The following GNA14 variants were observed in gnomAD, a reference collection of about 807,000 sequenced individuals.
The protein encoded by GNA14 is guanine nucleotide-binding protein subunit alpha-14.
GNA14 carries 50 observed loss-of-function variants against 42.0 expected under a neutral mutation model. The ratio of observed to expected loss-of-function variants is 1.19; its 90% CI spans 0.95 to 1.51. GNA14 has a LOEUF of 1.51. Among genes scored for constraint, GNA14 ranks in the 40% most tolerant of loss-of-function variants. The pLI is 0.00. For missense variants in GNA14, 473 were observed against 446.2 expected (o/e 1.06, Z -0.54); for synonymous variants, 173 against 163.1 (o/e 1.06, Z -0.46).
At chr9:77,588,418 T>C (rs192726100) in intron 1 of GNA14, among the ~76,000 whole-genome samples, 5 of 152,332 alleles carry the variant, frequency 3.3e-5, no homozygotes, top group Admixed American at 2.6e-4. Flanking sequence ...TGGTGATTTC[T>C]TGATCCTGAT....
rs553268653 is a variant in GNA14, at chr9:77,506,372, T to C, written c.309+22697A>G. ...AAAACATCATCATTTCAACATGCAATCAATGTAAAAAATTATTCATGAGAG... is the reference window on the plus strand; with the variant it reads ...AAAACATCATCATTTCAACATGCAACCAATGTAAAAAATTATTCATGAGAG... On this transcript the variant is annotated intron_variant, in intron 2 of 6. Transcript: ENST00000341700. Among the ~76,000 whole-genome samples, 32 of 151,270 alleles carry C rather than the reference T, an allele frequency of 2.1e-4. 1 individual carries two copies. In the East Asian group the frequency reaches 5.1e-3, roughly 24 times the overall value.
At chr9:77,604,519 T>A (rs528771988) in intron 1 of GNA14, among the ~76,000 whole-genome samples, 1 of 152,218 alleles carries the variant, frequency 6.6e-6, no homozygotes, top group Non-Finnish European at 1.5e-5. Context: ...ATCACTCAAG[T>A]CCACATTTCC....
intron 1 of GNA14, among the ~76,000 whole-genome samples, chr9:77,604,988 C>T (rs752693949): frequency 5.3e-5 from 8 of 152,232 alleles, no homozygotes; most frequent in Non-Finnish European, 1.0e-4. Context: ...GCAAATGCTT[C>T]ACCTTTCAAA....
intron 1 of GNA14, among the ~76,000 whole-genome samples, chr9:77,573,908 G>C (rs150849713): frequency 2.0e-5 from 3 of 152,100 alleles, no homozygotes; most frequent in East Asian, 3.8e-4. Context: ...CTTAGAAAAA[G>C]AGTAACCATT....
intron 4 of GNA14, among the ~76,000 whole-genome samples, chr9:77,429,348 T>C (rs1173894207): frequency 1.3e-5 from 2 of 152,144 alleles, no homozygotes; most frequent in Non-Finnish European, 2.9e-5. Flanking sequence ...ACTTGGGTTC[T>C]GTGACAACCA....
At position 77,520,438 on chromosome 9, in the gene GNA14, G is replaced by A. The variant is rs111477751; in HGVS notation, c.309+8631C>T. ...GGGAAAGCAAATTCTGAAGGACTTC[G>A]GATCTAACGAGCATGTTCCTAGCAT... On this transcript the variant is annotated intron_variant, in intron 2 of 6. Transcript: ENST00000341700. Among the ~76,000 whole-genome samples, 396 of 152,254 alleles carry A rather than the reference G, an allele frequency of 2.6e-3. 1 individual carries two copies. Among genetic ancestry groups the A allele is most frequent in the Non-Finnish European group, 4.9e-3 (335 of 68,026 alleles).
At position 77,502,275 on chromosome 9, in the gene GNA14, A is replaced by T. The variant is rs185096038; in HGVS notation, c.309+26794T>A. Among the ~76,000 whole-genome samples the T allele has an allele frequency of 5.4e-3, 823 of 152,252 alleles. 7 individuals are homozygous for T. The highest frequency in any genetic ancestry group is 0.018 in the African/African-American group (764 of 41,564). On this transcript the variant is annotated intron_variant, in intron 2 of 6. Coordinates refer to ENST00000341700, the MANE Select transcript of GNA14 (RefSeq NM_004297.4). ...ATACTAACATCCCTGCCACCTTGTG[A>T]CTGGCATATCTCGATTGTCCTTGTC...
At position 77,449,330 on chromosome 9, in the gene GNA14, CGT is replaced by C. The variant is rs1564017367; in HGVS notation, c.310-14810_310-14809del. 2.0e-5 allele frequency among the ~76,000 whole-genome samples: 3 copies of C among 152,160 alleles called. No homozygotes were observed. In the East Asian group the frequency reaches 5.8e-4, roughly 29 times the overall value. On this transcript the variant is annotated intron_variant, in intron 2 of 6. Transcript: ENST00000341700. ...GAGGGTATCCCTTTGTTAAGTGATGCGTGACTGTATGTAGTAACATTAAATAA... is the reference window on the plus strand; with the variant it reads ...GAGGGTATCCCTTTGTTAAGTGATGCGACTGTATGTAGTAACATTAAATAA...
intron 1 of GNA14, among the ~76,000 whole-genome samples, chr9:77,645,901 G>A (rs775590964): frequency 2.0e-5 from 3 of 152,018 alleles, no homozygotes; most frequent in Admixed American, 6.6e-5. Flanking sequence ...AGTTACATAC[G>A]CAACTAAACC....
chr9:77,548,595 C>A (rs1425723979), intron 1 of GNA14, among the ~76,000 whole-genome samples: 3 of 152,150 alleles, frequency 2.0e-5, no homozygotes, highest in Non-Finnish European at 4.4e-5. Context: ...TGCACATTTT[C>A]CACATATAGC....
intron 1 of GNA14, among the ~76,000 whole-genome samples, chr9:77,581,562 G>A (rs1391081252): frequency 6.6e-6 from 1 of 152,162 alleles, no homozygotes; most frequent in Non-Finnish European, 1.5e-5. Context: ...CTACACAGTG[G>A]CCGGACATAA....
At chr9:77,546,244 T>G (rs1837719147) in intron 1 of GNA14, among the ~76,000 whole-genome samples, 1 of 149,002 alleles carries the variant, frequency 6.7e-6, no homozygotes, top group Non-Finnish European at 1.5e-5. Context: ...AAAAAAGAAT[T>G]ATCTAATCCG....
At chr9:77,532,089 C>G (rs1036899007) in intron 1 of GNA14, among the ~76,000 whole-genome samples, 2 of 152,082 alleles carry the variant, frequency 1.3e-5, no homozygotes, top group African/African-American at 4.8e-5. Flanking sequence ...CCTCCACTCT[C>G]ATTTAAGCCT....
At chr9:77,644,178 G>A (rs891699752) in intron 1 of GNA14, among the ~76,000 whole-genome samples, 4 of 152,060 alleles carry the variant, frequency 2.6e-5, no homozygotes, top group African/African-American at 9.7e-5. Flanking sequence ...ATAAGAAGAG[G>A]AAGTGGCACG....
intron 1 of GNA14, among the ~76,000 whole-genome samples, chr9:77,622,345 T>TGGTC (rs1335197154): frequency 6.6e-6 from 1 of 152,160 alleles, no homozygotes; most frequent in Non-Finnish European, 1.5e-5. Flanking sequence ...TAAGAAATAT[T>TGGTC]GGTCGTGAGG....
At position 77,536,047 on chromosome 9, in the gene GNA14, C is replaced by G. The variant is rs1018099747; in HGVS notation, c.125-6794G>C. On this transcript the variant is annotated intron_variant, in intron 1 of 6. Coordinates refer to ENST00000341700, the MANE Select transcript of GNA14 (RefSeq NM_004297.4). ...ACTCCTGCTAGTTTCTGTCCAGCCCCTACATCACCATCACAGCCAGGTCAC... is the reference window on the plus strand; with the variant it reads ...ACTCCTGCTAGTTTCTGTCCAGCCCGTACATCACCATCACAGCCAGGTCAC... Among the ~76,000 whole-genome samples, 4 of 152,136 alleles carry G rather than the reference C, an allele frequency of 2.6e-5. No homozygotes were observed. In the South Asian group the frequency reaches 8.3e-4, roughly 32 times the overall value.
At chr9:77,549,935 T>G (rs570003810) in intron 1 of GNA14, among the ~76,000 whole-genome samples, 2 of 152,120 alleles carry the variant, frequency 1.3e-5, no homozygotes, top group African/African-American at 2.4e-5. Flanking sequence ...AGGGCTTGCA[T>G]GGGCCCTCCC....
chr9:77,588,771 AG>A (rs2117880773), intron 1 of GNA14, among the ~76,000 whole-genome samples: 1 of 152,350 alleles, frequency 6.6e-6, no homozygotes, highest in East Asian at 1.9e-4. Flanking sequence ...CCTTAGCCCC[AG>A]GAAGTCCTTC....
Position 77,529,264 on chromosome 9 carries a change from A to C in GNA14, c.125-11T>G. ...CACTTTCACCAGTTCCTATAAGACA[A>C]AACAAGTGGAAAACGCTGTCAGCAG... On this transcript the variant is annotated splice_polypyrimidine_tract_variant and intron_variant, in intron 1 of 6. Transcript: ENST00000341700. 6.2e-7 allele frequency: 1 copy of C among 1,608,796 alleles called. No individual in the cohort carries two copies. The highest frequency in any genetic ancestry group is 8.5e-7 in the Non-Finnish European group (1 of 1,175,258).
Sources: allele counts gnomAD v4.1 joint callset (sites outside exome capture counted in the v4.1 genomes callset), GRCh38; gene constraint gnomAD v4.1.1; transcripts MANE v1.5; gene names NCBI Gene and HGNC (gene_info 2026-07-23, HGNC 2026-07-21).